MRPS28: variants seen among roughly 807,000 people sequenced by gnomAD.
MRPS28 encodes the protein small ribosomal subunit protein bS1m.
A neutral mutation model predicts 10.8 loss-of-function variants in MRPS28; 7 were observed. The ratio of observed to expected loss-of-function variants is 0.65; its 90% CI spans 0.37 to 1.22. The LOEUF (loss-of-function observed/expected upper bound fraction) is 1.22. Among genes scored for constraint, MRPS28 ranks in the 50% most tolerant of loss-of-function variants. MRPS28 has a pLI of 0.02. For missense variants in MRPS28, 265 were observed against 232.9 expected, an observed-to-expected ratio of 1.14 and a Z score of -0.90; for synonymous variants, 121 against 93.3, an observed-to-expected ratio of 1.30 and a Z score of -1.71.
intron 2 of MRPS28, among the ~76,000 whole-genome samples, chr8:79,972,976 T>G (rs1382189221): frequency 6.6e-6 from 1 of 152,232 alleles, no homozygotes; most frequent in Non-Finnish European, 1.5e-5. Context: ...GATTTTTACA[T>G]ACTTTCAGTC....
chr8:79,990,077 C>T (rs1808315333), intron 2 of MRPS28, among the ~76,000 whole-genome samples: 1 of 152,168 alleles, frequency 6.6e-6, no homozygotes, highest in Non-Finnish European at 1.5e-5. Context: ...ACAAGAATCG[C>T]TTGAGCCCAG....
intron 2 of MRPS28, among the ~76,000 whole-genome samples, chr8:79,980,333 C>T (rs770108810): frequency 2.6e-5 from 4 of 152,142 alleles, no homozygotes; most frequent in Admixed American, 6.5e-5. Context: ...ATGATCTTAA[C>T]TAGTATTATG....
At chr8:79,963,000 C>G (rs1010632331) in intron 2 of MRPS28, among the ~76,000 whole-genome samples, 1 of 152,056 alleles carries the variant, frequency 6.6e-6, no homozygotes, top group African/African-American at 2.4e-5. Flanking sequence ...CACTGTCCTG[C>G]ATTGGAAGAG....
intron 2 of MRPS28, among the ~76,000 whole-genome samples, chr8:79,942,026 A>G (rs1806782946): frequency 6.6e-6 from 1 of 152,188 alleles, no homozygotes; most frequent in Non-Finnish European, 1.5e-5. Flanking sequence ...GAGGTTAGGG[A>G]AGCTAAATAA....
At chr8:79,982,891 C>T (rs1293620367) in intron 2 of MRPS28, among the ~76,000 whole-genome samples, 9 of 150,888 alleles carry the variant, frequency 6.0e-5, no homozygotes, top group Non-Finnish European at 1.2e-4. Flanking sequence ...ATGTCCCTGT[C>T]TGACAGCTTT....
intron 2 of MRPS28, among the ~76,000 whole-genome samples, chr8:79,928,699 C>T (rs534440488): frequency 4.6e-5 from 7 of 151,496 alleles, no homozygotes; most frequent in Admixed American, 1.3e-4. Context: ...CCTCGGCCTC[C>T]CAAAGTGCTG....
At chr8:79,943,768 G>A (rs975018312) in intron 2 of MRPS28, among the ~76,000 whole-genome samples, 2 of 152,074 alleles carry the variant, frequency 1.3e-5, no homozygotes, top group African/African-American at 4.8e-5. Flanking sequence ...TCTAAATAGA[G>A]ATTATAAGCA....
intron 1 of MRPS28, among the ~76,000 whole-genome samples, chr8:80,014,987 C>G (rs1201788712): frequency 1.3e-5 from 2 of 152,110 alleles, no homozygotes; most frequent in Non-Finnish European, 2.9e-5. Flanking sequence ...TGAAAAGAAG[C>G]CTCCAAGAAG....
chr8:79,985,626 C>T (rs1204166344), intron 2 of MRPS28, among the ~76,000 whole-genome samples: 4 of 152,188 alleles, frequency 2.6e-5, no homozygotes, highest in African/African-American at 9.7e-5. Context: ...TACAAACTAA[C>T]ATCAGAGAAT....
At chr8:79,980,069 C>A (rs1807914416) in intron 2 of MRPS28, among the ~76,000 whole-genome samples, 1 of 151,986 alleles carries the variant, frequency 6.6e-6, no homozygotes, top group South Asian at 2.1e-4. Flanking sequence ...AAGGGTGATG[C>A]TAGTAAGACG....
chr8:80,021,392 T>C (rs1248248401), intron 1 of MRPS28, among the ~76,000 whole-genome samples: 1 of 152,146 alleles, frequency 6.6e-6, no homozygotes. Context: ...ATCTCTGTAA[T>C]AGTGGTATAT....
intron 2 of MRPS28, among the ~76,000 whole-genome samples, chr8:79,989,828 T>C (rs932532533): frequency 2.6e-5 from 4 of 152,178 alleles, no homozygotes; most frequent in African/African-American, 9.7e-5. Context: ...TTTCTCATAT[T>C]TCCAATCCCA....
At chr8:79,965,062 G>A (rs1563528134) in intron 2 of MRPS28, among the ~76,000 whole-genome samples, 1 of 152,044 alleles carries the variant, frequency 6.6e-6, no homozygotes, top group African/African-American at 2.4e-5. Flanking sequence ...ACACACACAT[G>A]TATTAATATT....
intron 2 of MRPS28, among the ~76,000 whole-genome samples, chr8:79,966,082 G>GA (rs1237561666): frequency 6.6e-6 from 1 of 151,974 alleles, no homozygotes; most frequent in East Asian, 1.9e-4. Context: ...TAAAAAGAAA[G>GA]AAACATAATG....
At chr8:79,936,974 C>A (rs1806620538) in intron 2 of MRPS28, among the ~76,000 whole-genome samples, 1 of 152,144 alleles carries the variant, frequency 6.6e-6, no homozygotes, top group South Asian at 2.1e-4. Context: ...GATTCTCCCA[C>A]CTCAGCCTCC....
At chr8:79,963,804 G>A (rs1324196370) in intron 2 of MRPS28, among the ~76,000 whole-genome samples, 1 of 152,122 alleles carries the variant, frequency 6.6e-6, no homozygotes, top group Non-Finnish European at 1.5e-5. Context: ...AGCCTAGGAA[G>A]TGAAGGCGGA....
chr8:79,987,559 T>C (rs1808226305), intron 2 of MRPS28, among the ~76,000 whole-genome samples: 1 of 151,982 alleles, frequency 6.6e-6, no homozygotes, highest in African/African-American at 2.4e-5. Context: ...GAATCTACAA[T>C]GAACTCAAAC....
intron 2 of MRPS28, among the ~76,000 whole-genome samples, chr8:79,960,527 G>C (rs1330370076): frequency 6.6e-6 from 1 of 152,066 alleles, no homozygotes; most frequent in Non-Finnish European, 1.5e-5. Flanking sequence ...GGTGCATGCA[G>C]GTACCCCACA....
chr8:79,930,681 G>A (rs1248316128), intron 2 of MRPS28, among the ~76,000 whole-genome samples: 1 of 152,166 alleles, frequency 6.6e-6, no homozygotes, highest in African/African-American at 2.4e-5. Context: ...GGTCATTCCT[G>A]TCAAAACAGG....
Sources: gnomAD v4.1 joint callset for allele counts (sites outside exome capture counted in the v4.1 genomes callset) on GRCh38, gnomAD v4.1.1 for gene constraint, MANE v1.5 for transcripts, NCBI Gene and HGNC (gene_info 2026-07-23, HGNC 2026-07-21) for gene names.